ZNF804B: variants seen among roughly 807,000 people sequenced by gnomAD.
The protein encoded by ZNF804B is zinc finger 804B.
A neutral mutation model predicts 101.4 loss-of-function variants in ZNF804B; 80 were observed. The ratio of observed to expected loss-of-function variants is 0.79; its 90% CI spans 0.66 to 0.95. The LOEUF is 0.95. Ranked by LOEUF, ZNF804B falls within the 40% of genes least tolerant of loss-of-function variation. The pLI is 0.00. For missense variants in ZNF804B, 1,673 were observed against 1,561.9 expected (o/e 1.07, Z -1.20); for synonymous variants, 622 against 558.8 (o/e 1.11, Z -1.59).
At chr7:89,280,689 C>T (rs945721551) in intron 2 of ZNF804B, among the ~76,000 whole-genome samples, 5 of 152,194 alleles carry the variant, frequency 3.3e-5, no homozygotes, top group African/African-American at 1.2e-4. Context: ...CATACACTCT[C>T]CCAAGACTAA....
At chr7:89,085,920 T>C (rs1279912107) in intron 1 of ZNF804B, among the ~76,000 whole-genome samples, 1 of 151,980 alleles carries the variant, frequency 6.6e-6, no homozygotes, top group East Asian at 1.9e-4. Flanking sequence ...TTTAGATTCT[T>C]CCGGGATTTT....
At chr7:88,854,608 C>G (rs781021638) in intron 1 of ZNF804B, among the ~76,000 whole-genome samples, 1 of 130,684 alleles carries the variant, frequency 7.7e-6, no homozygotes, top group Non-Finnish European at 1.6e-5. Context: ...TCCCTTTCTT[C>G]GCTTTTTTTT....
intron 1 of ZNF804B, among the ~76,000 whole-genome samples, chr7:88,921,319 A>C (rs549354517): frequency 6.6e-6 from 1 of 152,198 alleles, no homozygotes; most frequent in South Asian, 2.1e-4. Context: ...CACTTGAGAG[A>C]CACAGGTGAA....
intron 2 of ZNF804B, among the ~76,000 whole-genome samples, chr7:89,246,130 G>A (rs998003004): frequency 1.3e-5 from 2 of 152,156 alleles, no homozygotes; most frequent in African/African-American, 2.4e-5. Flanking sequence ...AGAGATAGAA[G>A]TACCTGCTGT....
intron 1 of ZNF804B, among the ~76,000 whole-genome samples, chr7:88,966,754 A>T (rs1477044371): frequency 6.6e-6 from 1 of 151,626 alleles, no homozygotes; most frequent in East Asian, 2.0e-4. Context: ...CTAGACACAC[A>T]CATACATACA....
chr7:89,242,002 G>C (rs555253702), intron 2 of ZNF804B, among the ~76,000 whole-genome samples: 1 of 150,926 alleles, frequency 6.6e-6, no homozygotes, highest in Non-Finnish European at 1.5e-5. Context: ...TTAATTTACA[G>C]GTCTTCTACA....
chr7:88,911,749 A>G (rs1267593975), intron 1 of ZNF804B, among the ~76,000 whole-genome samples: 1 of 151,780 alleles, frequency 6.6e-6, no homozygotes, highest in Non-Finnish European at 1.5e-5. Context: ...CTACATCCAC[A>G]TCAAGATTAG....
At chr7:89,168,572 G>T (rs1791176504) in intron 1 of ZNF804B, among the ~76,000 whole-genome samples, 1 of 151,774 alleles carries the variant, frequency 6.6e-6, no homozygotes, top group Non-Finnish European at 1.5e-5. Flanking sequence ...TGGTCAGTTG[G>T]TTAGTAAAAA....
At position 88,960,582 on chromosome 7, in the gene ZNF804B, G is replaced by C. The variant is rs567472369; in HGVS notation, c.108+200498G>C. Among the ~76,000 whole-genome samples, 5 of 151,428 alleles carry C rather than the reference G, an allele frequency of 3.3e-5. No individual in the cohort carries two copies. The South Asian group carries it at 1.0e-3, about 31-fold the overall frequency. On this transcript the variant is annotated intron_variant, in intron 1 of 3. Transcript: ENST00000333190. ...TAGGTGACTCTTAGGTGAGGGCTAA[G>C]TTAAAAATATACATAGAGTATTGTT...
chr7:89,079,443 A>C lies in ZNF804B; in HGVS notation c.109-138712A>C, dbSNP rs536940818. On this transcript the variant is annotated intron_variant, in intron 1 of 3. Transcript: ENST00000333190. ...ACCTGATTTGAATACAGAGTCCTTCACTCTTAGGCAGGTAACCCTTTGGTA... is the reference window on the plus strand; with the variant it reads ...ACCTGATTTGAATACAGAGTCCTTCCCTCTTAGGCAGGTAACCCTTTGGTA... Among the ~76,000 whole-genome samples, 12 of 152,094 alleles carry C rather than the reference A, an allele frequency of 7.9e-5. No individual in the cohort carries two copies. The South Asian group carries it at 2.3e-3, about 29-fold the overall frequency.
At chr7:88,844,994 C>G (rs929945660) in intron 1 of ZNF804B, among the ~76,000 whole-genome samples, 1 of 152,082 alleles carries the variant, frequency 6.6e-6, no homozygotes, top group Admixed American at 6.6e-5. Context: ...TCATAGAAAT[C>G]CTTTTCTGTA....
At chr7:88,988,858 T>G (rs559373338) in intron 1 of ZNF804B, among the ~76,000 whole-genome samples, 1 of 152,242 alleles carries the variant, frequency 6.6e-6, no homozygotes, top group African/African-American at 2.4e-5. Context: ...AGGATTTATA[T>G]AACTTGCTGT....
chr7:88,903,070 G>A, intron 1 of ZNF804B, among the ~76,000 whole-genome samples: 1 of 152,038 alleles, frequency 6.6e-6, no homozygotes, highest in East Asian at 1.9e-4. Context: ...GTACCCAATA[G>A]ATAGTTTTTC....
chr7:89,140,007 T>G (rs1269110080), intron 1 of ZNF804B, among the ~76,000 whole-genome samples: 1 of 152,100 alleles, frequency 6.6e-6, no homozygotes, highest in African/African-American at 2.4e-5. Context: ...TAATAAGACT[T>G]GAAAGTGCAA....
intron 1 of ZNF804B, among the ~76,000 whole-genome samples, chr7:88,860,831 G>T (rs917008202): frequency 2.6e-5 from 4 of 152,162 alleles, no homozygotes; most frequent in African/African-American, 7.2e-5. Flanking sequence ...ATTTTGGTCT[G>T]TATTTGGCAT....
intron 1 of ZNF804B, among the ~76,000 whole-genome samples, chr7:89,190,152 T>C (rs527817622): frequency 4.0e-5 from 6 of 151,844 alleles, no homozygotes; most frequent in African/African-American, 1.4e-4. Context: ...CCAGGCGCGG[T>C]GACGAAACCC....
intron 1 of ZNF804B, among the ~76,000 whole-genome samples, chr7:88,877,946 C>G (rs1312312159): frequency 2.6e-5 from 4 of 151,998 alleles, no homozygotes; most frequent in Non-Finnish European, 5.9e-5. Context: ...GAATATTCCT[C>G]ATTATTTCAG....
rs200499424 is a variant in ZNF804B, at chr7:89,298,214, G to A, written c.250-29130G>A. Among the ~76,000 whole-genome samples the A allele has an allele frequency of 8.3e-3, 486 of 58,552 alleles. 22 individuals are homozygous for A. The East Asian group carries it at 0.23, about 28-fold the overall frequency. The allele number at this position is 58,552 out of a possible 152,430, so 38.4% of individuals were successfully genotyped here. A position where few individuals can be genotyped will look rare whatever the true frequency, so the allele number is the denominator to read the frequency against. On this transcript the variant is annotated intron_variant, in intron 2 of 3. Transcript: ENST00000333190. ...ATATATCTATATAGTGTGTGTGTGT[G>A]TGTATATATATATATATATATATAT...
intron 1 of ZNF804B, among the ~76,000 whole-genome samples, chr7:88,915,840 T>C (rs942862412): frequency 6.6e-6 from 1 of 151,778 alleles, no homozygotes; most frequent in African/African-American, 2.4e-5. Flanking sequence ...AAAATAAGGA[T>C]AGTGTAACAA....
Sources: gnomAD v4.1 joint callset for allele counts (sites outside exome capture counted in the v4.1 genomes callset) on GRCh38, gnomAD v4.1.1 for gene constraint, MANE v1.5 for transcripts, NCBI Gene and HGNC (gene_info 2026-07-23, HGNC 2026-07-21) for gene names.